The following PKIB variants were observed in gnomAD, a reference collection of about 807,000 sequenced individuals.
PKIB encodes the protein PKI-beta.
PKIB carries 2 observed loss-of-function variants against 4.5 expected under a neutral mutation model. That is an observed-to-expected ratio of 0.44 (90% CI 0.18 to 1.39). The LOEUF is 1.39. Ranked by LOEUF, PKIB falls within the 40% of genes most tolerant of loss-of-function variation. The pLI is 0.27. For synonymous variants in PKIB, 38 were observed against 36.0 expected, an observed-to-expected ratio of 1.06 and a Z score of -0.20; for missense variants, 94 against 92.6, an observed-to-expected ratio of 1.02 and a Z score of -0.06.
intron 2 of PKIB, among the ~76,000 whole-genome samples, chr6:122,492,487 T>A (rs1775965575): frequency 1.3e-5 from 2 of 152,282 alleles, no homozygotes; most frequent in South Asian, 4.1e-4. Flanking sequence ...AGATATATAT[T>A]TATATTGCTT....
chr6:122,543,555 T>C (rs1231798068), intron 2 of PKIB, among the ~76,000 whole-genome samples: 1 of 151,862 alleles, frequency 6.6e-6, no homozygotes, highest in African/African-American at 2.4e-5. Context: ...AATTTTCGTA[T>C]TTTTAGTAGA....
chr6:122,565,416 A>G (rs940709008), intron 2 of PKIB, among the ~76,000 whole-genome samples: 1 of 152,174 alleles, frequency 6.6e-6, no homozygotes, highest in African/African-American at 2.4e-5. Context: ...GGTTATTTGA[A>G]TCTCAGCTGT....
intron 3 of PKIB, among the ~76,000 whole-genome samples, chr6:122,601,198 G>T (rs967943518): frequency 3.9e-5 from 6 of 151,944 alleles, no homozygotes; most frequent in African/African-American, 1.5e-4. Flanking sequence ...AAGCACATGT[G>T]GAATTAGAGT....
At chr6:122,713,607 A>T (rs1479863279) in intron 3 of PKIB, among the ~76,000 whole-genome samples, 1 of 152,150 alleles carries the variant, frequency 6.6e-6, no homozygotes, top group Non-Finnish European at 1.5e-5. Context: ...CTACTGGGGG[A>T]AGGAGAAGCT....
intron 3 of PKIB, among the ~76,000 whole-genome samples, chr6:122,601,691 A>G (rs1054995239): frequency 6.6e-6 from 1 of 152,156 alleles, no homozygotes; most frequent in Non-Finnish European, 1.5e-5. Context: ...AATATATAGT[A>G]TATATATTGT....
chr6:122,701,566 C>G (rs962450689), intron 3 of PKIB: 9 of 1,536,644 alleles, frequency 5.9e-6, no homozygotes, highest in Middle Eastern at 3.4e-4. Flanking sequence ...GATGGCATAA[C>G]AGTGCCACAT....
intron 3 of PKIB, among the ~76,000 whole-genome samples, chr6:122,682,647 C>G (rs950390026): frequency 2.6e-5 from 4 of 152,218 alleles, no homozygotes; most frequent in African/African-American, 9.6e-5. Context: ...TGACAACCCT[C>G]AGATTCTATT....
chr6:122,493,172 C>T (rs1053177112), intron 2 of PKIB: 3 of 152,140 alleles, frequency 2.0e-5, no homozygotes, highest in African/African-American at 4.8e-5. Context: ...ATCTGTGTCC[C>T]CCCTGCAAAT....
Position 122,662,308 on chromosome 6 carries a change from C to CTTTTTTTTTTTTTTTT in PKIB, c.-75-12756_-75-12741dup, listed in dbSNP as rs71021412. On this transcript the variant is annotated intron_variant, in intron 2 of 4. Transcript: ENST00000368452. The stretch of plus-strand genomic sequence containing the variant: ...CTCTCCTTCTTTCTTTCCTTGTCTC[C>CTTTTTTTTTTTTTTTT]TTTTTTTTTTTTTTTTTTTTTTTTT... 2.3e-3 allele frequency among the ~76,000 whole-genome samples: 31 copies of CTTTTTTTTTTTTTTTT among 13,256 alleles called. 3 individuals carry two copies. Among genetic ancestry groups the CTTTTTTTTTTTTTTTT allele is most frequent in the Admixed American group, 4.8e-3 (3 of 630 alleles). 8.7% of individuals were successfully genotyped at this position (13,256 alleles called of 152,430 possible). A position where few individuals can be genotyped will look rare whatever the true frequency, so the allele number is the denominator to read the frequency against.
At chr6:122,683,449 G>T (rs562075887) in intron 3 of PKIB, among the ~76,000 whole-genome samples, 1 of 152,198 alleles carries the variant, frequency 6.6e-6, no homozygotes, top group South Asian at 2.1e-4. Context: ...AAGCCATAAG[G>T]AATTCACCCC....
At chr6:122,643,813 A>C (rs1776208152) in intron 2 of PKIB, 1 of 152,220 alleles carries the variant, frequency 6.6e-6, no homozygotes, top group South Asian at 2.1e-4. Context: ...AGATGAAATC[A>C]CTATTTAAAA....
At chr6:122,637,139 A>G (rs1335038657) in intron 2 of PKIB, among the ~76,000 whole-genome samples, 1 of 152,226 alleles carries the variant, frequency 6.6e-6, no homozygotes, top group African/African-American at 2.4e-5. Context: ...CTTGTCTAAC[A>G]TGACATCAAA....
chr6:122,516,457 T>C (rs1430333313), intron 2 of PKIB, among the ~76,000 whole-genome samples: 1 of 152,222 alleles, frequency 6.6e-6, no homozygotes, highest in Non-Finnish European at 1.5e-5. Context: ...AGTTCTTGCC[T>C]TCAACTTCCA....
At chr6:122,477,709 G>A (rs1775486002) in intron 1 of PKIB, 3 of 152,144 alleles carry the variant, frequency 2.0e-5, no homozygotes, top group East Asian at 3.9e-4. Flanking sequence ...ACTTCAGACA[G>A]TGATTTTTTC....
chr6:122,624,218 A>G (rs371709780), intron 1 of PKIB, among the ~76,000 whole-genome samples: 19 of 152,320 alleles, frequency 1.2e-4, no homozygotes, highest in East Asian at 9.6e-4. Context: ...ACATGTTTGT[A>G]AGTTATAATG....
intron 2 of PKIB, among the ~76,000 whole-genome samples, chr6:122,637,771 A>G (rs886196281): frequency 4.0e-5 from 6 of 151,248 alleles, no homozygotes; most frequent in South Asian, 2.1e-4. Context: ...AAAAAAAATC[A>G]TAATAATTAA....
chr6:122,703,195 A>G (rs545994189), intron 3 of PKIB, among the ~76,000 whole-genome samples: 17 of 152,300 alleles, frequency 1.1e-4, no homozygotes, highest in Non-Finnish European at 1.9e-4. Flanking sequence ...TGTACTGAAC[A>G]CACATTGTAT....
rs182723673 is a variant in PKIB, at chr6:122,506,614, C to T, written c.-248+28675C>T. On this transcript the variant is annotated intron_variant, in intron 2 of 6. Transcript: ENST00000392491. ...TTATTATTTTGATTGGTACAATTAA[C>T]TGTAAAGGTCCCCTTAGGAGACCAA... 4.8e-3 allele frequency among the ~76,000 whole-genome samples: 726 copies of T among 150,986 alleles called. 5 individuals carry two copies. The highest frequency in any genetic ancestry group is 0.017 in the African/African-American group (684 of 41,182).
At chr6:122,520,924 G>A (rs6902229) in intron 2 of PKIB, among the ~76,000 whole-genome samples, 2,116 of 152,292 alleles carry the variant, frequency 0.014, 54 homozygotes, top group African/African-American at 0.049. Context: ...CCTGCAAAAA[G>A]TTGTTGAAAT....
Sources: allele counts gnomAD v4.1 joint callset (sites outside exome capture counted in the v4.1 genomes callset), GRCh38; gene constraint gnomAD v4.1.1; transcripts MANE v1.5; gene names NCBI Gene and HGNC (gene_info 2026-07-23, HGNC 2026-07-21).